Variants in PLCE1 observed in about 807,000 individuals in gnomAD.
PLCE1 encodes the protein 1-phosphatidylinositol 4,5-bisphosphate phosphodiesterase epsilon-1.
Under a neutral mutation model 242.8 loss-of-function variants are expected in PLCE1, and 119 were observed. That is an observed-to-expected ratio of 0.49 (90% CI 0.42 to 0.57). The LOEUF (loss-of-function observed/expected upper bound fraction) is 0.57. Ranked by LOEUF, PLCE1 falls within the 20% of genes least tolerant of loss-of-function variation. PLCE1 has a pLI of 0.00. For missense variants in PLCE1, 2,441 were observed against 2,788.8 expected (o/e 0.88, Z 2.81); for synonymous variants, 945 against 1,017.4 (o/e 0.93, Z 1.35).
chr10:94,075,267 C>T (rs568890972), intron 2 of PLCE1, among the ~76,000 whole-genome samples: 114 of 152,302 alleles, frequency 7.5e-4, no homozygotes, highest in African/African-American at 2.5e-3. Context: ...GAGGGCAGCA[C>T]GTGCCTTGTC....
At chr10:94,067,480 T>C (rs988858756) in intron 2 of PLCE1, among the ~76,000 whole-genome samples, 2 of 152,168 alleles carry the variant, frequency 1.3e-5, no homozygotes, top group African/African-American at 4.8e-5. Flanking sequence ...AGCCAGAGTT[T>C]TTGTTTCCTT....
At chr10:94,322,833 G>A (rs2053870067) in intron 30 of PLCE1, among the ~76,000 whole-genome samples, 1 of 151,902 alleles carries the variant, frequency 6.6e-6, no homozygotes, top group Admixed American at 6.6e-5. Context: ...GCATGCACCT[G>A]TAGTCCCTGC....
At chr10:94,095,865 C>A (rs1564682877) in intron 2 of PLCE1, among the ~76,000 whole-genome samples, 1 of 152,164 alleles carries the variant, frequency 6.6e-6, no homozygotes, top group Non-Finnish European at 1.5e-5. Flanking sequence ...GTTCCTTCTA[C>A]TTCTGTGTTT....
chr10:94,042,160 A>T (rs1008719359), intron 2 of PLCE1, among the ~76,000 whole-genome samples: 3 of 151,842 alleles, frequency 2.0e-5, no homozygotes, highest in Non-Finnish European at 4.4e-5. Flanking sequence ...TGAGTATTCT[A>T]CCTCCCTCAG....
chr10:94,156,308 G>T (rs2047432458), intron 3 of PLCE1, among the ~76,000 whole-genome samples: 1 of 152,168 alleles, frequency 6.6e-6, no homozygotes, highest in Non-Finnish European at 1.5e-5. Flanking sequence ...CCACAGGATT[G>T]CTCCCACTTC....
intron 1 of PLCE1, among the ~76,000 whole-genome samples, chr10:94,027,820 AAAATAAAT>A (rs5787098): frequency 0.019 from 2,812 of 149,382 alleles, 99 homozygotes; most frequent in African/African-American, 0.066. Context: ...ACTCCATCTC[AAAATAAAT>A]AAATAAATAA....
intron 1 of PLCE1, among the ~76,000 whole-genome samples, chr10:94,001,072 G>A (rs1234602221): frequency 6.6e-6 from 1 of 152,274 alleles, no homozygotes; most frequent in African/African-American, 2.4e-5. Flanking sequence ...AAGGCTCATA[G>A]GTCTGCCCTC....
Position 94,159,849 on chromosome 10 carries a change from A to C in PLCE1, c.1493-11331A>C, listed in dbSNP as rs571208231. Among the ~76,000 whole-genome samples the C allele has an allele frequency of 1.4e-4, 21 of 152,088 alleles. No individual in the cohort carries two copies. The South Asian group carries it at 4.4e-3, about 32-fold the overall frequency. ...TGTTTTCATTGTTCAATTCCCACCT[A>C]TGAGTGAGAACGTGCGGTGTTTGGT... On this transcript the variant is annotated intron_variant, in intron 3 of 32. Coordinates refer to ENST00000371380, the MANE Select transcript of PLCE1 (RefSeq NM_016341.4).
intron 8 of PLCE1, 115 bp from the exon 9 acceptor site, chr10:94,252,201 C>A (rs1212283742): frequency 2.3e-6 from 2 of 884,654 alleles, no homozygotes; most frequent in Non-Finnish European, 3.8e-6. Context: ...GATCATTATT[C>A]TTCTGTGGCC....
rs1043089663 is a variant in PLCE1 at position 94,030,783 on chromosome 10, T to C, written c.-264T>C. On this transcript the variant is annotated 5_prime_UTR_variant, in exon 2 of 33. Transcript: ENST00000371380. Reference sequence around the variant, plus strand: ...CCGAGTAAAAGTCTTCAAAAAATTTTGCTTCAGGTAACAGAGGAAGGAAAA... The same window carrying C: ...CCGAGTAAAAGTCTTCAAAAAATTTCGCTTCAGGTAACAGAGGAAGGAAAA... 29 of 476,056 alleles carry C rather than the reference T, an allele frequency of 6.1e-5. No homozygotes were observed. Among genetic ancestry groups the C allele is most frequent in the African/African-American group, 5.7e-4 (29 of 51,180 alleles). 29.5% of individuals were successfully genotyped at this position (476,056 alleles called of 1,614,324 possible).
chr10:94,052,449 T>C (rs765645358), intron 2 of PLCE1, among the ~76,000 whole-genome samples: 3 of 152,220 alleles, frequency 2.0e-5, no homozygotes, highest in Non-Finnish European at 4.4e-5. Context: ...TGTTACTCTG[T>C]ATTGCCTGAC....
intron 3 of PLCE1, among the ~76,000 whole-genome samples, chr10:94,150,608 C>G (rs1273360051): frequency 6.6e-6 from 1 of 152,188 alleles, no homozygotes; most frequent in African/African-American, 2.4e-5. Context: ...AATTGATATT[C>G]TGCTGTATCA....
At chr10:94,095,322 T>TTCTTTC (rs201594510) in intron 2 of PLCE1, among the ~76,000 whole-genome samples, 2,254 of 119,244 alleles carry the variant, frequency 0.019, 51 homozygotes, top group African/African-American at 0.11. Context: ...GCCTTTCAAT[T>TTCTTTC]TCTTTCTTTC....
chr10:94,017,318 C>CG (rs2061300527), intron 1 of PLCE1, among the ~76,000 whole-genome samples: 2 of 152,040 alleles, frequency 1.3e-5, no homozygotes, highest in African/African-American at 4.8e-5. Context: ...TTGTTTGCTT[C>CG]ATTTTTTTCT....
chr10:94,254,263 G>T lies in PLCE1; in HGVS notation c.3353G>T (p.Arg1118Leu). The change falls in exon 10 of 33, where the codon CGG becomes CTG. Residue 1118 changes from arginine to leucine, a missense_variant. Physicochemically the swap from Arg to Leu is moderately radical, Grantham distance 102. Transcript: ENST00000371380. ...AAGATGCACAAAGAGTGTCGAAGCCGGAGTGGTTCTGATCCTCAAGACATT... is the reference window on the plus strand; with the variant it reads ...AAGATGCACAAAGAGTGTCGAAGCCTGAGTGGTTCTGATCCTCAAGACATT... The part of the protein sequence containing the change: ...KAKMHKECRS[R>L]SGSDPQDINE... The T allele has an allele frequency of 6.2e-7, 1 of 1,613,912 alleles. No individual in the cohort carries two copies. Among genetic ancestry groups the T allele is most frequent in the South Asian group, 1.1e-5 (1 of 91,068 alleles).
In PLCE1 at chr10:94,194,544, T is replaced by C. The variant is rs528428191; in HGVS notation, c.1809+23048T>C. Among the ~76,000 whole-genome samples the C allele has an allele frequency of 1.7e-3, 255 of 152,316 alleles. 3 individuals carry two copies. Among genetic ancestry groups the C allele is most frequent in the Non-Finnish European group, 2.7e-3 (187 of 68,022 alleles). On this transcript the variant is annotated intron_variant, in intron 4 of 32. Transcript: ENST00000371380. Reference sequence around the variant, plus strand: ...AGGAAGAGGCAAAGACTCTGCACAATTCCAGAGGGCACTGTTCACTTAGTG... The same window carrying C: ...AGGAAGAGGCAAAGACTCTGCACAACTCCAGAGGGCACTGTTCACTTAGTG...
chr10:94,205,965 C>T (rs2689693), intron 4 of PLCE1, among the ~76,000 whole-genome samples: 107,977 of 152,098 alleles, frequency 0.71, 38,967 homozygotes, highest in South Asian at 0.81. Context: ...GATCCAGCAA[C>T]GAAAAAACAA....
At chr10:94,082,918 A>G (rs1046781149) in intron 2 of PLCE1, among the ~76,000 whole-genome samples, 1 of 152,234 alleles carries the variant, frequency 6.6e-6, no homozygotes, top group Admixed American at 6.5e-5. Context: ...ATTAAAAGCA[A>G]TTCTATGTGA....
intron 4 of PLCE1, among the ~76,000 whole-genome samples, chr10:94,184,017 A>G (rs1303111511): frequency 3.3e-5 from 5 of 152,240 alleles, no homozygotes; most frequent in Non-Finnish European, 7.3e-5. Flanking sequence ...CATCCAAACC[A>G]TAGCATAAAC....
Sources: allele counts gnomAD v4.1 joint callset (sites outside exome capture counted in the v4.1 genomes callset), GRCh38; gene constraint gnomAD v4.1.1; transcripts MANE v1.5; gene names NCBI Gene and HGNC (gene_info 2026-07-23, HGNC 2026-07-21).